The following RAPH1 variants were observed in gnomAD, a reference collection of about 807,000 sequenced individuals.
The protein encoded by RAPH1 is Ras association (RalGDS/AF-6) and pleckstrin homology domains 1.
Under a neutral mutation model 88.1 loss-of-function variants are expected in RAPH1, and 18 were observed. That is an observed-to-expected ratio of 0.20 (90% CI 0.14 to 0.30). RAPH1 has a LOEUF of 0.30. Ranked by LOEUF, RAPH1 falls within the 10% of genes least tolerant of loss-of-function variation. The probability of loss-of-function intolerance (pLI) is 1.00; values close to 1 mark genes in which losing one functional copy is unlikely to be tolerated. For missense variants in RAPH1, 1,448 were observed against 1,543.2 expected (o/e 0.94, Z 1.03); for synonymous variants, 587 against 559.0 (o/e 1.05, Z -0.71).
intron 1 of RAPH1, among the ~76,000 whole-genome samples, chr2:203,506,794 C>CTAGA (rs1689049475): frequency 1.1e-5 from 1 of 93,162 alleles, no homozygotes; most frequent in South Asian, 3.1e-4. Context: ...ATATATATAT[C>CTAGA]TATATATATA....
intron 4 of RAPH1, among the ~76,000 whole-genome samples, chr2:203,480,144 A>T (rs1687656005): frequency 6.6e-6 from 1 of 152,280 alleles, no homozygotes; most frequent in Non-Finnish European, 1.5e-5. Context: ...AAATCTCTGC[A>T]AAGTAAGTTA....
In RAPH1 at chr2:203,441,141, C is replaced by G. The variant is rs1463289607; in HGVS notation, c.2049G>C (p.Leu683=). The G allele has an allele frequency of 1.2e-6, 2 of 1,612,576 alleles. No individual in the cohort carries two copies. Among genetic ancestry groups the G allele is most frequent in the Admixed American group, 1.7e-5 (1 of 59,900 alleles). The part of the protein sequence containing the change: ...LQNASQHSGA[L]FKPPTPPVMQ... ...TCACTGGGGGTGTTGGCGGCTTAAA[C>G]AGGGCCCCTGAATGCTGAGACGCAT... The change falls in exon 14 of 14, where the codon CTG becomes CTC. Residue 683 remains leucine (L), a synonymous_variant. Transcript: ENST00000319170.
At chr2:203,526,789 TC>T (rs1690141004) in intron 1 of RAPH1, among the ~76,000 whole-genome samples, 1 of 147,274 alleles carries the variant, frequency 6.8e-6, no homozygotes, top group South Asian at 2.1e-4. Flanking sequence ...TTTTTCTTTT[TC>T]TTTTTTTTTT....
intron 1 of RAPH1, among the ~76,000 whole-genome samples, chr2:203,501,821 A>C (rs1176257177): frequency 6.6e-6 from 1 of 151,004 alleles, no homozygotes; most frequent in Non-Finnish European, 1.5e-5. Flanking sequence ...TTATGAAAAA[A>C]AAAAAAAAAA....
At chr2:203,506,797 T>TAG (rs1453713630) in intron 1 of RAPH1, among the ~76,000 whole-genome samples, 1 of 116,452 alleles carries the variant, frequency 8.6e-6, no homozygotes, top group East Asian at 2.1e-4. Context: ...TATATATCTA[T>TAG]ATATATATCT....
intron 1 of RAPH1, among the ~76,000 whole-genome samples, chr2:203,521,487 A>G (rs1689866427): frequency 6.6e-6 from 1 of 152,202 alleles, no homozygotes; most frequent in South Asian, 2.1e-4. Flanking sequence ...GGAACACCAC[A>G]AATTACCTGG....
rs957602010 is a variant in RAPH1 at position 203,486,816 on chromosome 2, G to C, written c.732+2768C>G. ...CTAGGAAAAAAGCAAATGGAAGCAA[G>C]TTCCGGGTTTGTTAAACCACCTTTC... On this transcript the variant is annotated intron_variant, in intron 4 of 13. Coordinates refer to ENST00000319170, the MANE Select transcript of RAPH1 (RefSeq NM_213589.3). Among the ~76,000 whole-genome samples, 32 of 152,334 alleles carry C rather than the reference G, an allele frequency of 2.1e-4. 1 individual carries two copies. The highest frequency in any genetic ancestry group is 3.4e-3 in the Middle Eastern group (1 of 294).
intron 13 of RAPH1, chr2:203,442,093 T>C: frequency 6.3e-7 from 1 of 1,592,518 alleles, no homozygotes. Context: ...GGAAAATACA[T>C]AAAGAAATGC....
At chr2:203,509,374 T>C (rs1230616361) in intron 1 of RAPH1, among the ~76,000 whole-genome samples, 4 of 152,158 alleles carry the variant, frequency 2.6e-5, no homozygotes, top group Non-Finnish European at 5.9e-5. Context: ...AAAAAATAAG[T>C]AATTTTTTAA....
Position 203,448,653 on chromosome 2 carries a change from TAGTC to T in RAPH1, c.1512+81_1512+84del, listed in dbSNP as rs2098512089. 7 of 829,980 alleles carry T rather than the reference TAGTC, an allele frequency of 8.4e-6. No homozygotes were observed. The highest frequency in any genetic ancestry group is 2.8e-5 in the East Asian group (1 of 36,140). The allele number at this position is 829,980 out of a possible 1,614,324, so 51.4% of individuals were successfully genotyped here. A position where few individuals can be genotyped will look rare whatever the true frequency, so the allele number is the denominator to read the frequency against. ...CACTGGCAAATCCATGAACATGAAA[TAGTC>T]AGAATAGTTGTCATGAAAACGAAAA... On this transcript the variant is annotated intron_variant, in intron 11 of 13. Transcript: ENST00000319170. This position sits in a 1 kb window ranked among gnomAD's most constrained non-coding sequence, Gnocchi z 4.1.
chr2:203,507,574 G>A (rs746725226), intron 1 of RAPH1, among the ~76,000 whole-genome samples: 16 of 152,160 alleles, frequency 1.1e-4, no homozygotes, highest in Non-Finnish European at 1.9e-4. Context: ...CAACATCACT[G>A]TAGTTATTCC....
rs374096899 is a variant in RAPH1 at position 203,481,349 on chromosome 2, G to A, written c.732+8235C>T. 1.1e-4 allele frequency among the ~76,000 whole-genome samples: 16 copies of A among 152,148 alleles called. No individual in the cohort carries two copies. The East Asian group carries it at 1.4e-3, about 13-fold the overall frequency. On this transcript the variant is annotated intron_variant, in intron 4 of 13. Transcript: ENST00000319170. ...CCTCCGTTCCTTCCATTGTAAAAGA[G>A]GGATAACCATGCCCTCCACAAGGTG...
chr2:203,441,479 A>T, intron 13 of RAPH1, 66 bp from the exon 14 acceptor site: 2 of 1,466,296 alleles, frequency 1.4e-6, no homozygotes, highest in South Asian at 1.5e-5. Context: ...TTACAGAGGT[A>T]AGCTTTGATT....
intron 1 of RAPH1, among the ~76,000 whole-genome samples, chr2:203,503,092 C>A (rs888681611): frequency 6.6e-6 from 1 of 152,088 alleles, no homozygotes; most frequent in African/African-American, 2.4e-5. Context: ...TGCAGTGAGC[C>A]AAGATCCCGC....
intron 1 of RAPH1, among the ~76,000 whole-genome samples, chr2:203,514,166 T>G (rs984296977): frequency 6.6e-6 from 1 of 151,980 alleles, no homozygotes; most frequent in African/African-American, 2.4e-5. Context: ...AATTCCGGAG[T>G]AAGGTATCTG....
At chr2:203,509,908 C>A (rs1428057974) in intron 1 of RAPH1, among the ~76,000 whole-genome samples, 2 of 152,096 alleles carry the variant, frequency 1.3e-5, no homozygotes, top group African/African-American at 4.8e-5. Flanking sequence ...CTGCCTTGTT[C>A]CCCCTTCACC....
chr2:203,463,102 T>C (rs1352949025), intron 4 of RAPH1, among the ~76,000 whole-genome samples: 1 of 151,508 alleles, frequency 6.6e-6, no homozygotes, highest in Non-Finnish European at 1.5e-5. Flanking sequence ...CTTGGGAGGC[T>C]GAGGCAGGAG....
rs1284007679 is a variant in RAPH1 at position 203,438,222 on chromosome 2, C to G, written c.*1215G>C. On this transcript the variant is annotated 3_prime_UTR_variant, in exon 14 of 14. Coordinates refer to ENST00000319170, the MANE Select transcript of RAPH1 (RefSeq NM_213589.3). ...AGCTATAAATGAAACTGTCTTCCCT[C>G]TCCATGTAGTCCCATACTTAATGAG... 1 of 517,194 alleles carries G rather than the reference C, an allele frequency of 1.9e-6. No homozygotes were observed. The highest frequency in any genetic ancestry group is 1.9e-5 in the Admixed American group (1 of 51,348). The allele number at this position is 517,194 out of a possible 1,614,324, so 32.0% of individuals were successfully genotyped here.
At chr2:203,461,810 T>C in intron 5 of RAPH1, 38 bp downstream of exon 5, 1 of 1,514,990 alleles carries the variant, frequency 6.6e-7, no homozygotes. Context: ...AAAAAACTGA[T>C]AAAAAAATCC....
Sources: allele counts gnomAD v4.1 joint callset (sites outside exome capture counted in the v4.1 genomes callset), GRCh38; gene constraint gnomAD v4.1.1; non-coding constraint Gnocchi (gnomAD v3.1); transcripts MANE v1.5; gene names NCBI Gene and HGNC (gene_info 2026-07-23, HGNC 2026-07-21).